GPHN: variants seen among roughly 807,000 people sequenced by gnomAD.
GPHN encodes gephyrin.
Under a neutral mutation model 95.5 loss-of-function variants are expected in GPHN, and 17 were observed. That is an observed-to-expected ratio of 0.18 (90% CI 0.12 to 0.27). The LOEUF (loss-of-function observed/expected upper bound fraction) is 0.27. Among genes scored for constraint, GPHN ranks in the 10% least tolerant of loss-of-function variants. The pLI is 1.00. For synonymous variants in GPHN, 320 were observed against 322.5 expected (o/e 0.99, Z 0.08); for missense variants, 660 against 978.1 (o/e 0.67, Z 4.34).
chr14:67,413,002 A>G, the GPHN span, among the ~76,000 whole-genome samples: 2 of 152,140 alleles, frequency 1.3e-5, no homozygotes, highest in South Asian at 2.1e-4. Flanking sequence ...GCCTCAAGCA[A>G]TCCTCCGGCC....
intron 2 of GPHN, among the ~76,000 whole-genome samples, chr14:66,747,102 A>T (rs1181866926): frequency 6.6e-6 from 1 of 152,174 alleles, no homozygotes; most frequent in Non-Finnish European, 1.5e-5. Flanking sequence ...GAGGTAGTGG[A>T]GGAAAATAAA....
the GPHN span, among the ~76,000 whole-genome samples, chr14:67,490,354 T>C: frequency 6.6e-5 from 10 of 152,056 alleles, no homozygotes; most frequent in African/African-American, 2.2e-4. Flanking sequence ...GTTTGCACAA[T>C]ACAGAAGGCA....
chr14:66,543,104 A>G (rs755876077), intron 1 of GPHN, among the ~76,000 whole-genome samples: 4 of 152,154 alleles, frequency 2.6e-5, no homozygotes, highest in Non-Finnish European at 4.4e-5. Context: ...CTGTCAGTAT[A>G]CAGTACCAAG....
At chr14:67,714,171 C>G in the GPHN span, among the ~76,000 whole-genome samples, 6 of 152,106 alleles carry the variant, frequency 3.9e-5, no homozygotes, top group African/African-American at 1.4e-4. Flanking sequence ...GGTCTTGCTC[C>G]GTCTCCCAGG....
the GPHN span, among the ~76,000 whole-genome samples, chr14:67,272,722 G>C: frequency 1.3e-5 from 2 of 152,118 alleles, no homozygotes; most frequent in African/African-American, 2.4e-5. Flanking sequence ...GCAGTGGCAC[G>C]ATCTTGGCTC....
intron 17 of GPHN, among the ~76,000 whole-genome samples, chr14:67,124,050 G>A (rs943506061): frequency 2.0e-5 from 3 of 152,082 alleles, no homozygotes; most frequent in African/African-American, 4.8e-5. Context: ...GGAAGCTGGT[G>A]TATTTTCAAA....
chr14:67,016,693 A>G (rs1352605541), intron 9 of GPHN, among the ~76,000 whole-genome samples: 2 of 152,118 alleles, frequency 1.3e-5, no homozygotes, highest in East Asian at 1.9e-4. Context: ...CTAAAATCAT[A>G]CAACACAGAA....
At chr14:66,952,734 G>A (rs569559750) in intron 8 of GPHN, among the ~76,000 whole-genome samples, 7 of 151,950 alleles carry the variant, frequency 4.6e-5, no homozygotes, top group South Asian at 4.2e-4. Flanking sequence ...TCGCACTATC[G>A]CCCAGGCTGG....
intron 1 of GPHN, among the ~76,000 whole-genome samples, chr14:66,527,085 G>T (rs1392093732): frequency 6.6e-6 from 1 of 152,164 alleles, no homozygotes; most frequent in Admixed American, 6.5e-5. Context: ...GTAGAATTCA[G>T]CTGTGAATCC....
At chr14:67,374,280 T>C in the GPHN span, among the ~76,000 whole-genome samples, 1 of 152,178 alleles carries the variant, frequency 6.6e-6, no homozygotes, top group Non-Finnish European at 1.5e-5. Flanking sequence ...CAAAACACTT[T>C]TGGTCCCAAG....
intron 1 of GPHN, among the ~76,000 whole-genome samples, chr14:66,572,395 A>G (rs938037824): frequency 2.0e-5 from 3 of 151,230 alleles, no homozygotes; most frequent in South Asian, 2.1e-4. Context: ...GTATCTCTCA[A>G]TTTTTCTGTG....
At chr14:67,526,518 C>G in the GPHN span, among the ~76,000 whole-genome samples, 1 of 152,226 alleles carries the variant, frequency 6.6e-6, no homozygotes, top group Admixed American at 6.5e-5. Context: ...TTTTCCTAGT[C>G]TTTTATACAT....
intron 11 of GPHN, among the ~76,000 whole-genome samples, chr14:67,075,984 C>T (rs916070479): frequency 6.6e-5 from 10 of 152,120 alleles, no homozygotes; most frequent in African/African-American, 2.4e-4. Context: ...GGATTGACTC[C>T]AATTTTCAAA....
At chr14:67,029,478 C>T (rs951883788) in intron 10 of GPHN, among the ~76,000 whole-genome samples, 1 of 152,114 alleles carries the variant, frequency 6.6e-6, no homozygotes, top group Non-Finnish European at 1.5e-5. Flanking sequence ...GCTGGGATTA[C>T]AGGCATGCGC....
At chr14:67,392,461 A>C in the GPHN span, 2 of 1,507,578 alleles carry the variant, frequency 1.3e-6, no homozygotes, top group South Asian at 2.2e-5. Context: ...ACTCTGCTAC[A>C]GAAAAGACCC....
At chr14:67,664,779 G>A in the GPHN span, among the ~76,000 whole-genome samples, 1 of 152,326 alleles carries the variant, frequency 6.6e-6, no homozygotes, top group East Asian at 1.9e-4. Flanking sequence ...GAGAACAGAT[G>A]AGCCGGGCTT....
At chr14:67,110,592 C>T (rs2078310587) in intron 14 of GPHN, among the ~76,000 whole-genome samples, 1 of 152,146 alleles carries the variant, frequency 6.6e-6, no homozygotes, top group Admixed American at 6.5e-5. Flanking sequence ...GGTTGACATA[C>T]CTTCCAGAGC....
the GPHN span, among the ~76,000 whole-genome samples, chr14:67,489,723 G>A: frequency 1.3e-5 from 2 of 152,190 alleles, no homozygotes; most frequent in Non-Finnish European, 2.9e-5. Flanking sequence ...GGGCGCGGTG[G>A]CTCACGCCTG....
chr14:67,569,898 T>TCA, the GPHN span: 1 of 1,512,858 alleles, frequency 6.6e-7, no homozygotes. Context: ...TTGAGTAATC[T>TCA]CATTCCTCTC....
Sources: allele counts gnomAD v4.1 joint callset (sites outside exome capture counted in the v4.1 genomes callset), GRCh38; gene constraint gnomAD v4.1.1; transcripts MANE v1.5; gene names NCBI Gene and HGNC (gene_info 2026-07-23, HGNC 2026-07-21).